The following PTPRN2 variants were observed in gnomAD, a reference collection of about 807,000 sequenced individuals.
PTPRN2 encodes the protein receptor-type tyrosine-protein phosphatase N2.
A neutral mutation model predicts 118.8 loss-of-function variants in PTPRN2; 74 were observed. The ratio of observed to expected loss-of-function variants is 0.62; its 90% CI spans 0.52 to 0.76. The LOEUF is 0.76. Among genes scored for constraint, PTPRN2 ranks in the 30% least tolerant of loss-of-function variants. The pLI is 0.00. For synonymous variants in PTPRN2, 641 were observed against 608.0 expected (o/e 1.05, Z -0.80); for missense variants, 1,481 against 1,394.4 (o/e 1.06, Z -0.99).
intron 14 of PTPRN2, among the ~76,000 whole-genome samples, chr7:157,623,413 G>GAAAAATGCTCTT (rs968255337): frequency 2.4e-4 from 37 of 152,122 alleles, no homozygotes; most frequent in Non-Finnish European, 4.7e-4. Context: ...GCTTTTCTTT[G>GAAAAATGCTCTT]AAAAATGCTC....
chr7:158,226,583 T>C (rs1828796590), intron 3 of PTPRN2, among the ~76,000 whole-genome samples: 1 of 151,702 alleles, frequency 6.6e-6, no homozygotes, highest in African/African-American at 2.4e-5. Flanking sequence ...CCGGCTTGCA[T>C]GCAACACGTC....
At chr7:157,731,419 T>C (rs999753185) in intron 12 of PTPRN2, among the ~76,000 whole-genome samples, 1 of 152,120 alleles carries the variant, frequency 6.6e-6, no homozygotes, top group Non-Finnish European at 1.5e-5. Flanking sequence ...AATAAGTAAG[T>C]CCAGAGGTCT....
chr7:158,326,823 TCA>T lies in PTPRN2; in HGVS notation c.164-9893_164-9892del, dbSNP rs1052476785. Among the ~76,000 whole-genome samples, 13 of 57,006 alleles carry T rather than the reference TCA, an allele frequency of 2.3e-4. 2 individuals carry two copies. Among genetic ancestry groups the T allele is most frequent in the African/African-American group, 9.3e-4 (11 of 11,838 alleles). 37.4% of individuals were successfully genotyped at this position (57,006 alleles called of 152,430 possible). ...CACATTCTCACACATGCACACATCC[TCA>T]CACATGCTCTCACATGCATTCTCAC... On this transcript the variant is annotated intron_variant, in intron 2 of 22. Transcript: ENST00000389418.
chr7:158,556,240 G>A (rs1826981234), intron 1 of PTPRN2, among the ~76,000 whole-genome samples: 1 of 152,134 alleles, frequency 6.6e-6, no homozygotes, highest in Admixed American at 6.6e-5. Flanking sequence ...TAGATAGATA[G>A]AGATGATTGA....
intron 3 of PTPRN2, among the ~76,000 whole-genome samples, chr7:158,258,586 G>C (rs57589961): frequency 6.6e-6 from 1 of 152,170 alleles, no homozygotes; most frequent in Admixed American, 6.5e-5. Context: ...CTCTGTGGAA[G>C]GGTCTGTGTC....
chr7:157,905,449 T>A (rs1032846358), intron 11 of PTPRN2, among the ~76,000 whole-genome samples: 8 of 152,288 alleles, frequency 5.3e-5, no homozygotes, highest in Non-Finnish European at 1.2e-4. Context: ...TTTATCTTCA[T>A]GGGAGACAAA....
chr7:158,553,257 C>A (rs1303715290), intron 1 of PTPRN2, among the ~76,000 whole-genome samples: 1 of 151,686 alleles, frequency 6.6e-6, no homozygotes, highest in Non-Finnish European at 1.5e-5. Context: ...TGCATATACA[C>A]AGGCTTGGGA....
At chr7:158,190,616 G>A (rs945133164) in intron 5 of PTPRN2, among the ~76,000 whole-genome samples, 2 of 152,164 alleles carry the variant, frequency 1.3e-5, no homozygotes, top group African/African-American at 4.8e-5. Flanking sequence ...GTACTTCCAC[G>A]AGGGCTGAAG....
rs894451221 is a variant in PTPRN2, at chr7:157,610,192, T to C, written c.2345-6117A>G. Reference sequence around the variant, plus strand: ...TGTTTGGAGGATGCGTGAGGCCATCTGTGAAGCCACTGCTGAGTCCAGGGG... The same window carrying C: ...TGTTTGGAGGATGCGTGAGGCCATCCGTGAAGCCACTGCTGAGTCCAGGGG... On this transcript the variant is annotated intron_variant, in intron 15 of 22. Coordinates refer to ENST00000389418, the MANE Select transcript of PTPRN2 (RefSeq NM_002847.5). This position sits in a 1 kb window ranked among gnomAD's most constrained non-coding sequence, Gnocchi z 5.1. 2.6e-5 allele frequency among the ~76,000 whole-genome samples: 4 copies of C among 152,206 alleles called. No individual in the cohort carries two copies. Among genetic ancestry groups the C allele is most frequent in the Non-Finnish European group, 5.9e-5 (4 of 68,030 alleles).
chr7:158,300,632 C>T (rs1435882682), intron 3 of PTPRN2, among the ~76,000 whole-genome samples: 1 of 47,314 alleles, frequency 2.1e-5, no homozygotes, highest in East Asian at 5.1e-4. Context: ...CCCTAAGAGG[C>T]CACTCCTCTG....
intron 6 of PTPRN2, among the ~76,000 whole-genome samples, chr7:158,152,173 CAAAA>C (rs56870265): frequency 1.2e-5 from 1 of 83,380 alleles, no homozygotes; most frequent in Non-Finnish European, 2.2e-5. Flanking sequence ...GACTCTGTCT[CAAAA>C]AAAAAAAAAA....
chr7:158,031,014 C>T (rs922781808), intron 11 of PTPRN2: 8 of 152,184 alleles, frequency 5.3e-5, no homozygotes, highest in South Asian at 2.1e-4. Context: ...GAAGGCATCA[C>T]GTTGAATAAT....
At chr7:158,340,407 C>G (rs1175303062) in intron 2 of PTPRN2, among the ~76,000 whole-genome samples, 7 of 72,714 alleles carry the variant, frequency 9.6e-5, no homozygotes, top group Admixed American at 1.6e-4. Flanking sequence ...CTGACACCCG[C>G]AGACGTCACT....
At chr7:157,719,562 C>G (rs562591570) in intron 12 of PTPRN2, among the ~76,000 whole-genome samples, 1 of 152,358 alleles carries the variant, frequency 6.6e-6, no homozygotes, top group Admixed American at 6.5e-5. Flanking sequence ...TCTTGGCATC[C>G]GGGAGCTCCA....
intron 12 of PTPRN2, among the ~76,000 whole-genome samples, chr7:157,700,352 C>T (rs375010535): frequency 5.9e-5 from 9 of 152,192 alleles, no homozygotes; most frequent in Admixed American, 6.5e-5. Flanking sequence ...AGTGACACTG[C>T]GGAAAAACCA....
chr7:157,608,870 A>C (rs751390274), intron 15 of PTPRN2, among the ~76,000 whole-genome samples: 1 of 152,218 alleles, frequency 6.6e-6, no homozygotes, highest in African/African-American at 2.4e-5. Context: ...GTGAGAATTC[A>C]TAACAGCCTG....
intron 14 of PTPRN2, among the ~76,000 whole-genome samples, chr7:157,655,466 T>G (rs758422659): frequency 6.6e-6 from 1 of 152,208 alleles, no homozygotes; most frequent in African/African-American, 2.4e-5. Context: ...TATTAACTCA[T>G]TAGGCAAAAA....
intron 22 of PTPRN2, among the ~76,000 whole-genome samples, chr7:157,548,571 G>T (rs1297233895): frequency 6.6e-6 from 1 of 152,236 alleles, no homozygotes; most frequent in Admixed American, 6.5e-5. Context: ...CGCAGGCCCC[G>T]GAGAGGCCGG....
At chr7:157,827,200 A>G (rs1807232588) in intron 12 of PTPRN2, among the ~76,000 whole-genome samples, 1 of 152,212 alleles carries the variant, frequency 6.6e-6, no homozygotes, top group South Asian at 2.1e-4. Context: ...AAACTCATGA[A>G]GCATCAAAGG....
Sources: allele counts gnomAD v4.1 joint callset (sites outside exome capture counted in the v4.1 genomes callset), GRCh38; gene constraint gnomAD v4.1.1; non-coding constraint Gnocchi (gnomAD v3.1); transcripts MANE v1.5; gene names NCBI Gene and HGNC (gene_info 2026-07-23, HGNC 2026-07-21).